NAPA: variants seen among roughly 807,000 people sequenced by gnomAD.
The protein encoded by NAPA is alpha-soluble NSF attachment protein.
Under a neutral mutation model 48.0 loss-of-function variants are expected in NAPA, and 18 were observed. That is an observed-to-expected ratio of 0.38 (90% CI 0.26 to 0.56). The LOEUF is 0.56. Ranked by LOEUF, NAPA falls within the 20% of genes least tolerant of loss-of-function variation. NAPA has a pLI of 0.77. For synonymous variants in NAPA, 152 were observed against 149.9 expected (o/e 1.01, Z -0.10); for missense variants, 315 against 385.0 (o/e 0.82, Z 1.52).
At chr19:47,486,679 CAG>C (rs1475840480), downstream of NAPA, among the ~76,000 whole-genome samples, 2 of 152,216 alleles carry the variant, frequency 1.3e-5, no homozygotes, top group African/African-American at 4.8e-5. Flanking sequence ...ATGACAGAAA[CAG>C]ATTCTCACAC....
At chr19:47,510,117 G>GT (rs2122780066) in intron 1 of NAPA, among the ~76,000 whole-genome samples, 1 of 152,334 alleles carries the variant, frequency 6.6e-6, no homozygotes, top group Admixed American at 6.5e-5. Flanking sequence ...CTTGGCAGCT[G>GT]GCAGGGCACT....
chr19:47,503,091 G>C (rs1968615696), intron 2 of NAPA, among the ~76,000 whole-genome samples: 1 of 152,216 alleles, frequency 6.6e-6, no homozygotes, highest in Admixed American at 6.5e-5. Flanking sequence ...CTAGAATTTA[G>C]ACACTGATGG....
At chr19:47,485,112 G>A (rs768132875), downstream of NAPA, among the ~76,000 whole-genome samples, 4 of 152,116 alleles carry the variant, frequency 2.6e-5, no homozygotes, top group Non-Finnish European at 5.9e-5. Flanking sequence ...ACACCTACTT[G>A]GTGACAGTCA....
chr19:47,510,241 G>T (rs983346673), intron 1 of NAPA, among the ~76,000 whole-genome samples: 1 of 152,178 alleles, frequency 6.6e-6, no homozygotes, highest in Non-Finnish European at 1.5e-5. Flanking sequence ...CTCAGCCAAG[G>T]CCCTGGGCAG....
intron 1 of NAPA, among the ~76,000 whole-genome samples, chr19:47,509,901 C>T (rs1426655227): frequency 3.3e-5 from 5 of 152,230 alleles, no homozygotes; most frequent in Non-Finnish European, 5.9e-5. Flanking sequence ...AATGTACTTC[C>T]TTTTTCTTAA....
chr19:47,503,004 G>C (rs779893434), intron 2 of NAPA, among the ~76,000 whole-genome samples: 1 of 152,230 alleles, frequency 6.6e-6, no homozygotes, highest in Non-Finnish European at 1.5e-5. Context: ...GCAATTAAAT[G>C]ATGAGCACTT....
chr19:47,500,870 A>G, intron 2 of NAPA, 121 bp from the exon 3 acceptor site: 5 of 691,668 alleles, frequency 7.2e-6, no homozygotes, highest in Non-Finnish European at 9.2e-6. Flanking sequence ...TCCCCAAGAC[A>G]GGACGAGGGT....
At chr19:47,510,898 C>T (rs1327685387) in intron 1 of NAPA, among the ~76,000 whole-genome samples, 2 of 152,206 alleles carry the variant, frequency 1.3e-5, no homozygotes, top group African/African-American at 2.4e-5. Context: ...ACAGGTATGG[C>T]TTTGAGCTTC....
chr19:47,507,780 C>A (rs1968722065), intron 1 of NAPA, among the ~76,000 whole-genome samples: 1 of 152,230 alleles, frequency 6.6e-6, no homozygotes, highest in African/African-American at 2.4e-5. Flanking sequence ...GCCCACAGCT[C>A]CTCACGAGAG....
At chr19:47,503,357 C>A (rs759307116) in intron 2 of NAPA, 66 bp downstream of exon 2, 1 of 1,453,470 alleles carries the variant, frequency 6.9e-7, no homozygotes, top group South Asian at 1.1e-5. Context: ...CTCGGGCAGG[C>A]CTGTGTGAGT....
Position 47,504,692 on chromosome 19 carries a change from T to A in NAPA, c.99-1190A>T, listed in dbSNP as rs565908122. Reference sequence around the variant, plus strand: ...ATATACACATGTGTATATATGTGTATGTGTATATATGTGTGTATATATCTA... The same window carrying A: ...ATATACACATGTGTATATATGTGTAAGTGTATATATGTGTGTATATATCTA... On this transcript the variant is annotated intron_variant, in intron 1 of 10. Transcript: ENST00000263354. Among the ~76,000 whole-genome samples, 7 of 152,166 alleles carry A rather than the reference T, an allele frequency of 4.6e-5. No individual in the cohort carries two copies. The East Asian group carries it at 1.4e-3, about 29-fold the overall frequency.
At chr19:47,488,481 T>C in intron 10 of NAPA, 92 bp from the exon 11 acceptor site, 2 of 970,830 alleles carry the variant, frequency 2.1e-6, no homozygotes, top group Admixed American at 2.1e-5. Context: ...TCAAGATCTG[T>C]CTCTGTCACC....
intron 1 of NAPA, among the ~76,000 whole-genome samples, chr19:47,509,519 G>A (rs887869724): frequency 3.3e-5 from 5 of 152,084 alleles, no homozygotes; most frequent in Non-Finnish European, 1.5e-5. Flanking sequence ...GCACCCCACG[G>A]CGTGCCCAGC....
chr19:47,499,050 C>T (rs972653724), intron 3 of NAPA, among the ~76,000 whole-genome samples: 11 of 152,196 alleles, frequency 7.2e-5, no homozygotes, highest in African/African-American at 2.4e-4. Flanking sequence ...ACTTTCCTAC[C>T]GGTCGGAGTC....
chr19:47,503,635 G>T, intron 1 of NAPA, 133 bp from the exon 2 acceptor site: 1 of 816,858 alleles, frequency 1.2e-6, no homozygotes, highest in South Asian at 1.5e-5. Flanking sequence ...GCTTCCCCCA[G>T]GCCTCTTGAG....
At chr19:47,485,096 T>C (rs545516188), downstream of NAPA, among the ~76,000 whole-genome samples, 1 of 152,286 alleles carries the variant, frequency 6.6e-6, no homozygotes, top group Non-Finnish European at 1.5e-5. Context: ...CCACCTCCTT[T>C]ATCGAACACC....
At chr19:47,501,480 A>G (rs1968574477) in intron 2 of NAPA, 1 of 152,190 alleles carries the variant, frequency 6.6e-6, no homozygotes, top group African/African-American at 2.4e-5. Flanking sequence ...AGGCACTTGC[A>G]TGAATTGTGA....
intron 1 of NAPA, among the ~76,000 whole-genome samples, chr19:47,511,087 G>T (rs1188855401): frequency 2.0e-5 from 3 of 152,236 alleles, no homozygotes; most frequent in Non-Finnish European, 2.9e-5. Flanking sequence ...CCTTTGACAG[G>T]GGCAGAGGCC....
intron 1 of NAPA, among the ~76,000 whole-genome samples, chr19:47,510,065 C>T (rs1295545984): frequency 1.3e-5 from 2 of 152,258 alleles, no homozygotes; most frequent in Non-Finnish European, 2.9e-5. Context: ...AAAGACTCCA[C>T]TCTGAGACTG....
Sources: allele counts gnomAD v4.1 joint callset (sites outside exome capture counted in the v4.1 genomes callset), GRCh38; gene constraint gnomAD v4.1.1; transcripts MANE v1.5; gene names NCBI Gene and HGNC (gene_info 2026-07-23, HGNC 2026-07-21).